OR51D1: variants seen among roughly 807,000 people sequenced by gnomAD.
The protein encoded by OR51D1 is olfactory receptor family 51 subfamily D member 1, also known as olfactory receptor 51D1.
For synonymous variants in OR51D1, 187 were observed against 161.1 expected (o/e 1.16, Z -1.22); for missense variants, 452 against 396.2 (o/e 1.14, Z -1.20).
intron 1 of OR51D1, among the ~76,000 whole-genome samples, chr11:4,639,387 G>C (rs1846933627): frequency 6.6e-6 from 1 of 152,166 alleles, no homozygotes; most frequent in African/African-American, 2.4e-5. Context: ...AGAAGAGCTG[G>C]TCAATGTGGA....
intron 1 of OR51D1, among the ~76,000 whole-genome samples, chr11:4,638,359 C>T (rs1415005078): frequency 6.6e-6 from 1 of 151,990 alleles, no homozygotes; most frequent in Non-Finnish European, 1.5e-5. Context: ...ATCAAGGAGG[C>T]GGTAGGTTAT....
chr11:4,639,980 G>A lies in OR51D1; in HGVS notation c.190G>A (p.Val64Met), dbSNP rs770923587. 6.8e-6 allele frequency: 11 copies of A among 1,614,034 alleles called. No individual in the cohort carries two copies. In the African/African-American group the frequency reaches 1.3e-4, roughly 20 times the overall value. The change falls in exon 2 of 2, where the codon GTG (valine) becomes ATG (methionine). Residue 64 changes from valine to methionine, a missense_variant. Coordinates refer to ENST00000641817, the MANE Select transcript of OR51D1 (RefSeq NM_001004751.3). Reference sequence around the variant, plus strand: ...CCTGACCATTGTCCTCATCATTCGTGTGGAGAGGCGACTGCATGAGCCCAT... The same window carrying A: ...CCTGACCATTGTCCTCATCATTCGTATGGAGAGGCGACTGCATGAGCCCAT... ...GNLTIVLIIR[V>M]ERRLHEPMYL...
Position 4,640,492 on chromosome 11 carries a change from C to T in OR51D1, c.702C>T (p.Ile234=). ...TCATTGGCTTCTCATATATCCTCATCCTGTGGGCTGTTTTGGAGCTGTCCT... is the reference window on the plus strand; with the variant it reads ...TCATTGGCTTCTCATATATCCTCATTCTGTGGGCTGTTTTGGAGCTGTCCT... The part of the protein sequence containing the change: ...SLFIGFSYIL[I]LWAVLELSSR... The change falls in exon 2 of 2, where the codon ATC becomes ATT. Residue 234 remains isoleucine, a synonymous_variant. Coordinates refer to ENST00000641817, the MANE Select transcript of OR51D1 (RefSeq NM_001004751.3). The T allele has an allele frequency of 1.9e-6, 3 of 1,614,004 alleles. 1 individual carries two copies. The South Asian group carries it at 3.3e-5, about 18-fold the overall frequency.
chr11:4,640,239 C>A lies in OR51D1; in HGVS notation c.449C>A (p.Thr150Lys), dbSNP rs778864528. Reference sequence around the variant, plus strand: ...CCATTGCGCCATGCTTCTGTGCTGACAGGGTGTACTGTGGCCAAGATTGGA... The same window carrying A: ...CCATTGCGCCATGCTTCTGTGCTGAAAGGGTGTACTGTGGCCAAGATTGGA... ...CHPLRHASVL[T>K]GCTVAKIGLS... Residue 150 changes from threonine (T) to lysine (K), a missense_variant, in exon 2 of 2, where the codon ACA becomes AAA. Physicochemically the swap from Thr to Lys is moderately conservative, Grantham distance 78. Coordinates refer to ENST00000641817, the MANE Select transcript of OR51D1 (RefSeq NM_001004751.3). 50 of 1,614,116 alleles carry A rather than the reference C, an allele frequency of 3.1e-5. No individual in the cohort carries two copies. Among genetic ancestry groups the A allele is most frequent in the Non-Finnish European group, 4.2e-5 (49 of 1,180,058 alleles).
Position 4,642,658 on chromosome 11 carries a change from CCGCATGGA to C in OR51D1, c.*1894_*1901del, listed in dbSNP as rs1846982962. The C allele has an allele frequency of 6.6e-6, 1 of 151,526 alleles. No individual in the cohort carries two copies. The highest frequency in any genetic ancestry group is 6.6e-5 in the Admixed American group (1 of 15,202). The allele number at this position is 151,526 out of a possible 1,614,324, so 9.4% of individuals were successfully genotyped here. ...AAGCCAGTCAATCTCCCTTCTGTTG[CCGCATGGA>C]AACTCCCTTAAGGCAGGAAGCTGAA... is the stretch of plus-strand genomic sequence containing the variant. On this transcript the variant is annotated 3_prime_UTR_variant, in exon 2 of 2. Coordinates refer to ENST00000641817, the MANE Select transcript of OR51D1 (RefSeq NM_001004751.3).
rs1023843061 is a variant in OR51D1 at position 4,639,706 on chromosome 11, C to T, written c.-14-71C>T. On this transcript the variant is annotated intron_variant, in intron 1 of 1. Transcript: ENST00000641817. ...ACTGTCACCACTCCAATGCCTTTTCCTCATTAGTCCTTTCTCTCCTCTGAG... is the reference window on the plus strand; with the variant it reads ...ACTGTCACCACTCCAATGCCTTTTCTTCATTAGTCCTTTCTCTCCTCTGAG... The T allele has an allele frequency of 1.1e-5, 16 of 1,439,810 alleles. No individual in the cohort carries two copies. In the Admixed American group the frequency reaches 2.9e-4, roughly 26 times the overall value. The allele number at this position is 1,439,810 out of a possible 1,614,324, so 89.2% of individuals were successfully genotyped here.
In OR51D1 at chr11:4,642,769, A is replaced by G. The variant is rs1334328141; in HGVS notation, c.*2004A>G. 6.6e-6 allele frequency: 1 copy of G among 152,026 alleles called. No homozygotes were observed. The highest frequency in any genetic ancestry group is 2.4e-5 in the African/African-American group (1 of 41,368). The allele number at this position is 152,026 out of a possible 1,614,324, so 9.4% of individuals were successfully genotyped here. ...TCCACATGTCTCATTGTTACTCCAT[A>G]TTGGATGGAAGTAGAAGTCCCTTTG... On this transcript the variant is annotated 3_prime_UTR_variant, in exon 2 of 2. Coordinates refer to ENST00000641817, the MANE Select transcript of OR51D1 (RefSeq NM_001004751.3).
intron 1 of OR51D1, 50 bp from the exon 2 acceptor site, chr11:4,639,727 C>T: frequency 6.5e-7 from 1 of 1,545,838 alleles, no homozygotes; most frequent in Non-Finnish European, 8.8e-7. Context: ...TTTCTCTCCT[C>T]TGAGCCACAA....
chr11:4,639,495 C>A (rs775505846), intron 1 of OR51D1, among the ~76,000 whole-genome samples: 3 of 152,188 alleles, frequency 2.0e-5, no homozygotes, highest in Non-Finnish European at 4.4e-5. Flanking sequence ...GACTGTGTTA[C>A]ATGTTTTATG....
rs148468786 is a variant in OR51D1, at chr11:4,641,511, C to T, written c.*746C>T. On this transcript the variant is annotated 3_prime_UTR_variant, in exon 2 of 2. Transcript: ENST00000641817. The stretch of plus-strand genomic sequence containing the variant: ...GCTATGTCCTGGCACATGTATGTTT[C>T]ATGAGACGTGTCTCTGATTGCGCAT... 1 of 152,592 alleles carries T rather than the reference C, an allele frequency of 6.6e-6. No homozygotes were observed. The highest frequency in any genetic ancestry group is 1.5e-5 in the Non-Finnish European group (1 of 68,078). 9.5% of individuals were successfully genotyped at this position (152,592 alleles called of 1,614,324 possible). A position where few individuals can be genotyped will look rare whatever the true frequency, so the allele number is the denominator to read the frequency against.
In OR51D1 at chr11:4,640,991, C is replaced by T. The variant is rs1435477565; in HGVS notation, c.*226C>T. 6 of 467,698 alleles carry T rather than the reference C, an allele frequency of 1.3e-5. No individual in the cohort carries two copies. The Admixed American group carries it at 1.5e-4, about 12-fold the overall frequency. The allele number at this position is 467,698 out of a possible 1,614,324, so 29.0% of individuals were successfully genotyped here. On this transcript the variant is annotated 3_prime_UTR_variant, in exon 2 of 2. Transcript: ENST00000641817. ...AGTCCCTCTGCTATGGTGGTCTTGC[C>T]TTCTCCTTCTCTCTCAGCTAGAAAA...
chr11:4,640,732 G>C lies in OR51D1; in HGVS notation c.942G>C (p.Arg314Ser), dbSNP rs745522606. The change falls in exon 2 of 2, where the codon AGG becomes AGC. Residue 314 changes from arginine (R) to serine (S), a missense_variant. Physicochemically the swap from Arg to Ser is moderately radical, Grantham distance 110. Coordinates refer to ENST00000641817, the MANE Select transcript of OR51D1 (RefSeq NM_001004751.3). ...YGAKTKEICS[R>S]VLCMFSQGGK ...CCAAGACCAAAGAGATCTGTTCAAG[G>C]GTCCTCTGTATGTTCTCACAAGGTG... 1 of 1,613,342 alleles carries C rather than the reference G, an allele frequency of 6.2e-7. No homozygotes were observed. Among genetic ancestry groups the C allele is most frequent in the South Asian group, 1.1e-5 (1 of 91,032 alleles).
chr11:4,639,805 G>C lies in OR51D1; in HGVS notation c.15G>C (p.Gln5His), dbSNP rs1846938656. Residue 5 changes from glutamine to histidine, a missense_variant, in exon 2 of 2, where the codon CAG (glutamine) becomes CAC (histidine). Coordinates refer to ENST00000641817, the MANE Select transcript of OR51D1 (RefSeq NM_001004751.3). ...CTGGATTTTGTATGCAGAAGCCCCA[G>C]CTCTTGGTCCCTATCATAGCCACTT... is the stretch of plus-strand genomic sequence containing the variant. MQKP[Q>H]LLVPIIATSN... The C allele has an allele frequency of 6.2e-7, 1 of 1,612,876 alleles. No homozygotes were observed.
rs1277834226 is a variant in OR51D1 at position 4,640,487 on chromosome 11, C to T, written c.697C>T (p.Leu233Phe). 33 of 1,613,950 alleles carry T rather than the reference C, an allele frequency of 2.0e-5. No individual in the cohort carries two copies. Among genetic ancestry groups the T allele is most frequent in the African/African-American group, 4.0e-5 (3 of 74,888 alleles). ...DSLFIGFSYI[L>F]ILWAVLELSS... The stretch of plus-strand genomic sequence containing the variant: ...TCTCTTCATTGGCTTCTCATATATC[C>T]TCATCCTGTGGGCTGTTTTGGAGCT... The change falls in exon 2 of 2, where the codon CTC (leucine) becomes TTC (phenylalanine). Residue 233 changes from leucine to phenylalanine, a missense_variant. By Grantham distance (22) the Leu-to-Phe change is conservative (BLOSUM62 0). Transcript: ENST00000641817.
Position 4,640,565 on chromosome 11 carries a change from T to C in OR51D1, c.775T>C (p.Cys259Arg), listed in dbSNP as rs774175196. The C allele has an allele frequency of 2.5e-6, 4 of 1,613,786 alleles. No homozygotes were observed. Among genetic ancestry groups the C allele is most frequent in the Non-Finnish European group, 3.4e-6 (4 of 1,179,960 alleles). ...KAFNTCISHL[C>R]AVLVFYVPLI... ...TTTCAACACCTGCATCTCCCACCTC[T>C]GTGCTGTTCTGGTCTTCTATGTACC... The change falls in exon 2 of 2, where the codon TGT (cysteine) becomes CGT (arginine). Residue 259 changes from cysteine to arginine, a missense_variant. Physicochemically the swap from Cys to Arg is radical, Grantham distance 180. Transcript: ENST00000641817.
intron 1 of OR51D1, among the ~76,000 whole-genome samples, chr11:4,638,725 C>A (rs976215522): frequency 1.3e-5 from 2 of 152,162 alleles, no homozygotes; most frequent in African/African-American, 4.8e-5. Context: ...CAACTTTCCC[C>A]AAAGTTCTCT....
chr11:4,640,080 T>G lies in OR51D1; in HGVS notation c.290T>G (p.Leu97Arg), dbSNP rs768230273. Residue 97 changes from leucine to arginine, a missense_variant, in exon 2 of 2, where the codon CTT (leucine) becomes CGT (arginine). By Grantham distance (102) the Leu-to-Arg change is moderately radical. Transcript: ENST00000641817. The part of the protein sequence containing the change: ...SSITMPKMAS[L>R]FLMGIQEIEF... ...ATCACCATGCCCAAGATGGCCAGTC[T>G]TTTCCTGATGGGCATCCAGGAGATC... 2.1e-5 allele frequency: 34 copies of G among 1,614,080 alleles called. No homozygotes were observed. The African/African-American group carries it at 4.0e-4, about 19-fold the overall frequency.
chr11:4,638,437 A>G (rs929596272), intron 1 of OR51D1, among the ~76,000 whole-genome samples: 3 of 151,816 alleles, frequency 2.0e-5, no homozygotes, highest in African/African-American at 7.3e-5. Flanking sequence ...TGAGCCTGGG[A>G]CGTTGTGTGA....
rs1415879081 is a variant in OR51D1, at chr11:4,641,267, C to G, written c.*502C>G. 1 of 159,498 alleles carries G rather than the reference C, an allele frequency of 6.3e-6. No individual in the cohort carries two copies. Among genetic ancestry groups the G allele is most frequent in the Non-Finnish European group, 1.4e-5 (1 of 72,246 alleles). 9.9% of individuals were successfully genotyped at this position (159,498 alleles called of 1,614,324 possible). ...CAGCTCACATGCAATGTTGAAGTTT[C>G]TGTATGCAAGAGGGTGTGTTGGCAG... On this transcript the variant is annotated 3_prime_UTR_variant, in exon 2 of 2. Coordinates refer to ENST00000641817, the MANE Select transcript of OR51D1 (RefSeq NM_001004751.3).
Sources: allele counts gnomAD v4.1 joint callset (sites outside exome capture counted in the v4.1 genomes callset), GRCh38; gene constraint gnomAD v4.1.1; transcripts MANE v1.5; gene names NCBI Gene and HGNC (gene_info 2026-07-23, HGNC 2026-07-21).